The following CDK14 variants were observed in gnomAD, a reference collection of about 807,000 sequenced individuals.
CDK14 encodes cyclin-dependent kinase 14.
CDK14 carries 34 observed loss-of-function variants against 60.7 expected under a neutral mutation model. The ratio of observed to expected loss-of-function variants is 0.56; its 90% CI spans 0.43 to 0.75. The LOEUF is 0.75. CDK14 is among the 30% of genes least tolerant of loss of function. CDK14 has a pLI of 0.00. For synonymous variants in CDK14, 197 were observed against 203.7 expected (o/e 0.97, Z 0.28); for missense variants, 482 against 564.1 (o/e 0.85, Z 1.47).
At chr7:91,088,025 A>G (rs372562224) in intron 12 of CDK14, among the ~76,000 whole-genome samples, 8 of 152,200 alleles carry the variant, frequency 5.3e-5, no homozygotes, top group African/African-American at 7.2e-5. Context: ...TCAAATGTCT[A>G]TTGGACCTTT....
chr7:90,794,106 C>G (rs1442295226), intron 5 of CDK14, among the ~76,000 whole-genome samples: 3 of 151,970 alleles, frequency 2.0e-5, no homozygotes, highest in Non-Finnish European at 4.4e-5. Flanking sequence ...TTCCATGATG[C>G]CCCCTGAGCC....
intron 11 of CDK14, among the ~76,000 whole-genome samples, chr7:91,056,522 A>G (rs1797567415): frequency 6.6e-6 from 1 of 151,944 alleles, no homozygotes; most frequent in Admixed American, 6.6e-5. Flanking sequence ...CTCATCATTT[A>G]ACATTAGGAA....
intron 2 of CDK14, chr7:90,709,408 G>T: frequency 1.4e-6 from 2 of 1,412,094 alleles, no homozygotes; most frequent in South Asian, 1.6e-5. Context: ...GCATCCCCTT[G>T]ATTAAATGTT....
At chr7:91,111,953 G>T (rs10488002) in intron 12 of CDK14, among the ~76,000 whole-genome samples, 250 of 152,182 alleles carry the variant, frequency 1.6e-3, no homozygotes, top group African/African-American at 5.8e-3. Context: ...TTGTTTTAAA[G>T]GTCATCTTGA....
At chr7:90,638,490 C>G (rs966558790) in intron 2 of CDK14, among the ~76,000 whole-genome samples, 1 of 152,140 alleles carries the variant, frequency 6.6e-6, no homozygotes, top group Non-Finnish European at 1.5e-5. Context: ...GAGTTTCTGC[C>G]GAGAGATCCG....
intron 14 of CDK14, among the ~76,000 whole-genome samples, chr7:91,157,395 C>G (rs1287131635): frequency 6.6e-6 from 1 of 152,142 alleles, no homozygotes; most frequent in African/African-American, 2.4e-5. Context: ...TGTCCATGGA[C>G]AAGTGACTGA....
intron 9 of CDK14, among the ~76,000 whole-genome samples, chr7:90,977,297 T>C (rs1795099772): frequency 6.6e-6 from 1 of 152,154 alleles, no homozygotes; most frequent in Non-Finnish European, 1.5e-5. Context: ...CAATGAGTTT[T>C]GCCAGGGAAG....
At chr7:90,832,904 A>T (rs547535195) in intron 5 of CDK14, among the ~76,000 whole-genome samples, 3 of 152,218 alleles carry the variant, frequency 2.0e-5, no homozygotes, top group South Asian at 4.1e-4. Context: ...TCACATGGCT[A>T]GGGCCTTGGT....
At chr7:90,638,666 G>C (rs1226107700) in intron 2 of CDK14, among the ~76,000 whole-genome samples, 1 of 152,142 alleles carries the variant, frequency 6.6e-6, no homozygotes, top group Non-Finnish European at 1.5e-5. Flanking sequence ...TCCTGAATCT[G>C]AACGTTGGCC....
At chr7:90,911,113 A>T (rs1016433042) in intron 7 of CDK14, among the ~76,000 whole-genome samples, 13 of 152,130 alleles carry the variant, frequency 8.5e-5, no homozygotes, top group African/African-American at 2.9e-4. Context: ...TGAAATAGGG[A>T]TAGTAACATC....
At chr7:90,755,992 T>A (rs1767483433) in intron 4 of CDK14, among the ~76,000 whole-genome samples, 1 of 152,178 alleles carries the variant, frequency 6.6e-6, no homozygotes, top group Non-Finnish European at 1.5e-5. Context: ...CATTTAACAG[T>A]CAGGAATCTT....
In CDK14 at chr7:90,852,465, C is replaced by G. The variant is rs146625154; in HGVS notation, c.545-10710C>G. 1.7e-3 allele frequency among the ~76,000 whole-genome samples: 254 copies of G among 151,266 alleles called. 1 individual carries two copies. Among genetic ancestry groups the G allele is most frequent in the African/African-American group, 5.8e-3 (240 of 41,110 alleles). ...AGATGTAGAATAGCCTCTTTCAATGCTGCATTAGCTGGAATAATGTGAAGC... is the reference window on the plus strand; with the variant it reads ...AGATGTAGAATAGCCTCTTTCAATGGTGCATTAGCTGGAATAATGTGAAGC... On this transcript the variant is annotated intron_variant, in intron 5 of 14. Coordinates refer to ENST00000380050, the MANE Select transcript of CDK14 (RefSeq NM_001287135.2).
At chr7:91,168,043 C>G (rs1801399974) in intron 14 of CDK14, among the ~76,000 whole-genome samples, 4 of 152,074 alleles carry the variant, frequency 2.6e-5, no homozygotes, top group Admixed American at 2.6e-4. Flanking sequence ...GTGGCTGGAT[C>G]ACGAGGTCAG....
At chr7:90,772,259 T>C (rs939629694) in intron 4 of CDK14, among the ~76,000 whole-genome samples, 3 of 152,232 alleles carry the variant, frequency 2.0e-5, no homozygotes, top group African/African-American at 7.2e-5. Flanking sequence ...TCTCACTCAG[T>C]CTTCTGTTGC....
At chr7:90,849,813 T>C (rs1398871486) in intron 5 of CDK14, among the ~76,000 whole-genome samples, 3 of 152,080 alleles carry the variant, frequency 2.0e-5, no homozygotes, top group Admixed American at 6.5e-5. Context: ...CTGGTTCTAC[T>C]GTAAATCCAT....
rs578166192 is a variant in CDK14 at position 90,815,505 on chromosome 7, A to C, written c.544+24853A>C. ...TAGTTCAACCATTGTGGAATGCAGT[A>C]TGGCAATTCCTCAAGGACCTAGAAC... On this transcript the variant is annotated intron_variant, in intron 5 of 14. Transcript: ENST00000380050. 9.8e-4 allele frequency among the ~76,000 whole-genome samples: 149 copies of C among 152,342 alleles called. 1 individual carries two copies. Among genetic ancestry groups the C allele is most frequent in the African/African-American group, 3.4e-3 (140 of 41,584 alleles).
chr7:90,929,050 C>T (rs1247204049), intron 8 of CDK14, among the ~76,000 whole-genome samples: 8 of 152,180 alleles, frequency 5.3e-5, no homozygotes, highest in African/African-American at 1.9e-4. Context: ...CCTGGTGTGC[C>T]GTTTGCTAAT....
intron 2 of CDK14, chr7:90,710,031 C>T (rs1802002411): frequency 1.2e-5 from 11 of 884,706 alleles, no homozygotes; most frequent in Non-Finnish European, 1.5e-5. Flanking sequence ...AATCCTGACT[C>T]ACTCATTTAC....
At chr7:91,106,475 A>G (rs905417858) in intron 12 of CDK14, among the ~76,000 whole-genome samples, 4 of 152,210 alleles carry the variant, frequency 2.6e-5, no homozygotes, top group African/African-American at 7.2e-5. Context: ...ATGAGAAGAA[A>G]GGTGATTAAA....
Sources: allele counts gnomAD v4.1 joint callset (sites outside exome capture counted in the v4.1 genomes callset), GRCh38; gene constraint gnomAD v4.1.1; transcripts MANE v1.5; gene names NCBI Gene and HGNC (gene_info 2026-07-23, HGNC 2026-07-21).